NFX1: variants seen among roughly 807,000 people sequenced by gnomAD.
NFX1 encodes the protein nuclear transcription factor, X-box binding 1, also known as transcriptional repressor NF-X1.
In NFX1, 69 loss-of-function variants were observed where a neutral mutation model predicts 137.2. That is an observed-to-expected ratio of 0.50 (90% CI 0.41 to 0.61). The LOEUF (loss-of-function observed/expected upper bound fraction) is 0.61, where lower values mean the gene tolerates loss of function less well. NFX1 is among the 20% of genes least tolerant of loss of function. The probability of loss-of-function intolerance (pLI) is 0.00; values close to 1 mark genes in which losing one functional copy is unlikely to be tolerated. For synonymous variants in NFX1, 495 were observed against 474.1 expected (o/e 1.04, Z -0.57); for missense variants, 1,167 against 1,391.0 (o/e 0.84, Z 2.56).
At position 33,295,431 on chromosome 9, in the gene NFX1, A is replaced by C; in HGVS notation, c.1033+4A>C. 14 of 1,601,566 alleles carry C rather than the reference A, an allele frequency of 8.7e-6. No homozygotes were observed. The highest frequency in any genetic ancestry group is 1.2e-5 in the Non-Finnish European group (14 of 1,171,212). On this transcript the variant is annotated splice_donor_region_variant and intron_variant, in intron 2 of 23. Coordinates refer to ENST00000379540, the MANE Select transcript of NFX1 (RefSeq NM_002504.6). ...AAGAATGTGGAAACGCACACAGGTAAACCTACCTAGATAGGAAATATTTTG... is the reference window on the plus strand; with the variant it reads ...AAGAATGTGGAAACGCACACAGGTACACCTACCTAGATAGGAAATATTTTG...
chr9:33,319,978 T>C (rs1422077887), intron 9 of NFX1, among the ~76,000 whole-genome samples: 7 of 151,788 alleles, frequency 4.6e-5, no homozygotes, highest in Non-Finnish European at 8.8e-5. Flanking sequence ...TTTTTTTTTT[T>C]TGAGACAGAG....
intron 2 of NFX1, among the ~76,000 whole-genome samples, chr9:33,300,950 G>A (rs1821540239): frequency 6.6e-6 from 1 of 152,216 alleles, no homozygotes; most frequent in Non-Finnish European, 1.5e-5. Context: ...GCAAGATCCT[G>A]TATTGCCCAG....
At chr9:33,331,727 A>C (rs1300358852) in intron 10 of NFX1, among the ~76,000 whole-genome samples, 1 of 150,986 alleles carries the variant, frequency 6.6e-6, no homozygotes, top group South Asian at 2.1e-4. Flanking sequence ...ATTTTTACGA[A>C]GAGGGGACTT....
intron 19 of NFX1, among the ~76,000 whole-genome samples, chr9:33,359,198 C>G (rs1473108279): frequency 6.6e-6 from 1 of 150,854 alleles, no homozygotes; most frequent in Non-Finnish European, 1.5e-5. Flanking sequence ...TTTCTTTTTT[C>G]TTTTATCTTT....
chr9:33,305,974 G>T (rs1471981483), intron 4 of NFX1, among the ~76,000 whole-genome samples: 1 of 152,200 alleles, frequency 6.6e-6, no homozygotes, highest in East Asian at 1.9e-4. Flanking sequence ...CAGAACACTT[G>T]CAGGGGAAAG....
intron 9 of NFX1, among the ~76,000 whole-genome samples, chr9:33,324,378 C>CA (rs1564120753): frequency 6.6e-6 from 1 of 151,094 alleles, no homozygotes; most frequent in African/African-American, 2.4e-5. Context: ...GACTCCATCT[C>CA]AAAAAAAATA....
At chr9:33,337,083 G>A (rs137904960) in intron 11 of NFX1, among the ~76,000 whole-genome samples, 168 of 152,252 alleles carry the variant, frequency 1.1e-3, no homozygotes, top group African/African-American at 3.9e-3. Flanking sequence ...CATTATGTTG[G>A]CCAGGCTGGT....
chr9:33,322,538 C>T (rs1822425714), intron 9 of NFX1, among the ~76,000 whole-genome samples: 1 of 152,148 alleles, frequency 6.6e-6, no homozygotes. Context: ...GTTAGGGCTC[C>T]CTTTCTCCAC....
At chr9:33,358,955 T>C (rs1823905639) in intron 19 of NFX1, among the ~76,000 whole-genome samples, 2 of 152,000 alleles carry the variant, frequency 1.3e-5, no homozygotes, top group Non-Finnish European at 2.9e-5. Context: ...TGCCTCAGCC[T>C]TCCAAAGTGC....
Position 33,319,106 on chromosome 9 carries a change from C to T in NFX1, c.1885C>T (p.Pro629Ser). 1.2e-6 allele frequency: 2 copies of T among 1,614,186 alleles called. No individual in the cohort carries two copies. Reference sequence around the variant, plus strand: ...TTCATGTGGAAAAGTGTGCGGCAAGCCTCTGCCTTGTGGTTCCTTAGGTAA... The same window carrying T: ...TTCATGTGGAAAAGTGTGCGGCAAGTCTCTGCCTTGTGGTTCCTTAGGTAA... ...VPSCGKVCGK[P>S]LPCGSLDFIH... The change falls in exon 9 of 24, where the codon CCT (proline) becomes TCT (serine). Residue 629 changes from proline to serine, a missense_variant. By Grantham distance (74) the Pro-to-Ser change is moderately conservative. Transcript: ENST00000379540.
At chr9:33,361,339 T>C (rs1823980020) in intron 19 of NFX1, among the ~76,000 whole-genome samples, 1 of 152,210 alleles carries the variant, frequency 6.6e-6, no homozygotes, top group Admixed American at 6.5e-5. Context: ...AAAAATGGTA[T>C]ATATTTATGG....
intron 19 of NFX1, among the ~76,000 whole-genome samples, chr9:33,362,277 T>C (rs906464601): frequency 6.6e-6 from 1 of 152,188 alleles, no homozygotes; most frequent in African/African-American, 2.4e-5. Flanking sequence ...TTGGTATCTC[T>C]ACAGAGGAAA....
chr9:33,334,828 T>C (rs1325308998), intron 11 of NFX1, among the ~76,000 whole-genome samples: 1 of 152,206 alleles, frequency 6.6e-6, no homozygotes, highest in Non-Finnish European at 1.5e-5. Context: ...TCTCCAGTTT[T>C]TCCCCATTAT....
chr9:33,326,280 G>A (rs556029775), intron 9 of NFX1, among the ~76,000 whole-genome samples: 19 of 152,040 alleles, frequency 1.2e-4, no homozygotes, highest in African/African-American at 3.4e-4. Flanking sequence ...TGGTGTGGTG[G>A]CATATGCCTG....
chr9:33,306,958 CTT>C (rs1225026611), intron 4 of NFX1, among the ~76,000 whole-genome samples: 2 of 152,156 alleles, frequency 1.3e-5, no homozygotes, highest in East Asian at 1.9e-4. Context: ...GTAAAAGTGA[CTT>C]TTTATTTATC....
In NFX1 at chr9:33,333,626, A is replaced by G. The variant is rs1053519671; in HGVS notation, c.2035+1124A>G. 1.6e-4 allele frequency among the ~76,000 whole-genome samples: 24 copies of G among 152,196 alleles called. 1 individual carries two copies. Among genetic ancestry groups the G allele is most frequent in the Non-Finnish European group, 4.4e-5 (3 of 68,030 alleles). On this transcript the variant is annotated intron_variant, in intron 11 of 23. Coordinates refer to ENST00000379540, the MANE Select transcript of NFX1 (RefSeq NM_002504.6). ...AATTCTTCTGCCTAAACCTGTAACT[A>G]GCAAAGTGAATGGAATTACCATGGT...
chr9:33,306,231 G>A (rs1016007575), intron 4 of NFX1, among the ~76,000 whole-genome samples: 39 of 152,202 alleles, frequency 2.6e-4, no homozygotes, highest in Admixed American at 2.6e-3. Flanking sequence ...AGGTGTCAGA[G>A]ATGACTGTAG....
Position 33,364,117 on chromosome 9 carries a change from C to G in NFX1, c.2972+9C>G, listed in dbSNP as rs760270088. On this transcript the variant is annotated intron_variant, in intron 20 of 23. Coordinates refer to ENST00000379540, the MANE Select transcript of NFX1 (RefSeq NM_002504.6). ...TTGAAAGAAGATGCCAGGTATGTAA[C>G]TTGTTACCTGCTTTCTTAATTGTGG... 1.3e-6 allele frequency: 2 copies of G among 1,582,346 alleles called. No homozygotes were observed. Among genetic ancestry groups the G allele is most frequent in the Non-Finnish European group, 8.6e-7 (1 of 1,161,708 alleles).
intron 19 of NFX1, among the ~76,000 whole-genome samples, chr9:33,362,692 G>GTTTTTT (rs750544815): frequency 2.1e-5 from 2 of 96,332 alleles, no homozygotes; most frequent in Non-Finnish European, 3.8e-5. Flanking sequence ...AGTTCCTGTG[G>GTTTTTT]TTTTTTTTTT....
Sources: allele counts gnomAD v4.1 joint callset (sites outside exome capture counted in the v4.1 genomes callset), GRCh38; gene constraint gnomAD v4.1.1; transcripts MANE v1.5; gene names NCBI Gene and HGNC (gene_info 2026-07-23, HGNC 2026-07-21).